SMAD5: variants seen among roughly 807,000 people sequenced by gnomAD.
SMAD5 encodes the protein MAD, mothers against decapentaplegic homolog 5.
A neutral mutation model predicts 43.1 loss-of-function variants in SMAD5; 9 were observed. The observed-to-expected ratio is 0.21, with a 90% CI of 0.13 to 0.36. SMAD5 has a LOEUF of 0.36. Among genes scored for constraint, SMAD5 ranks in the 10% least tolerant of loss-of-function variants. The pLI is 1.00. For missense variants in SMAD5, 348 were observed against 574.0 expected, an observed-to-expected ratio of 0.61 and a Z score of 4.02; for synonymous variants, 190 against 192.4, an observed-to-expected ratio of 0.99 and a Z score of 0.10.
intron 4 of SMAD5, among the ~76,000 whole-genome samples, chr5:136,162,846 A>C (rs775067625): frequency 6.6e-6 from 1 of 152,218 alleles, no homozygotes; most frequent in Admixed American, 6.5e-5. Context: ...TCCAGTTTTA[A>C]ATGACAGTAT....
intron 1 of SMAD5, among the ~76,000 whole-genome samples, chr5:136,142,201 A>G (rs912290398): frequency 6.6e-6 from 1 of 152,156 alleles, no homozygotes; most frequent in East Asian, 1.9e-4. Context: ...ATGTAAAAAC[A>G]TAGGTGTGGT....
intron 1 of SMAD5, among the ~76,000 whole-genome samples, chr5:136,143,444 A>G (rs1015468499): frequency 1.3e-5 from 2 of 151,958 alleles, no homozygotes; most frequent in African/African-American, 4.8e-5. Context: ...ATAGAACTCT[A>G]CACGGCACAT....
At chr5:136,171,934 C>A (rs1469886472) in intron 5 of SMAD5, among the ~76,000 whole-genome samples, 1 of 152,112 alleles carries the variant, frequency 6.6e-6, no homozygotes. Flanking sequence ...AATAATTAGG[C>A]TTGAGAGTGG....
At position 136,179,847 on chromosome 5, in the gene SMAD5, A is replaced by C. The variant is rs1446950687; in HGVS notation, c.*2367A>C. ...AATTGAATGACTGATGTATGTAATC[A>C]ACTTCATTGGGCTGCAGTAAACTAG... is the stretch of plus-strand genomic sequence containing the variant. On this transcript the variant is annotated 3_prime_UTR_variant, in exon 8 of 8. Coordinates refer to ENST00000545279, the MANE Select transcript of SMAD5 (RefSeq NM_005903.7). 6.6e-6 allele frequency: 1 copy of C among 152,246 alleles called. No individual in the cohort carries two copies. The highest frequency in any genetic ancestry group is 1.9e-4 in the East Asian group (1 of 5,200). 9.4% of individuals were successfully genotyped at this position (152,246 alleles called of 1,614,324 possible). A position where few individuals can be genotyped will look rare whatever the true frequency, so the allele number is the denominator to read the frequency against.
chr5:136,150,180 A>G (rs1463017332), intron 2 of SMAD5, among the ~76,000 whole-genome samples: 1 of 151,624 alleles, frequency 6.6e-6, no homozygotes, highest in Non-Finnish European at 1.5e-5. Flanking sequence ...CTCTTTGTGC[A>G]AAATCTTAAA....
chr5:136,154,189 T>G, intron 3 of SMAD5, 26 bp downstream of exon 3: 1 of 1,425,794 alleles, frequency 7.0e-7, no homozygotes, highest in Non-Finnish European at 9.2e-7. Flanking sequence ...GAGAAGAATT[T>G]GGAAAAACAA....
At position 136,178,649 on chromosome 5, in the gene SMAD5, C is replaced by T. The variant is rs771793490; in HGVS notation, c.*1169C>T. On this transcript the variant is annotated 3_prime_UTR_variant, in exon 8 of 8. Coordinates refer to ENST00000545279, the MANE Select transcript of SMAD5 (RefSeq NM_005903.7). ...TGTCAGCTTACTTGTATCAGCCTCC[C>T]TACGCAAGGACCTATGCACTGGAGC... 1 of 152,150 alleles carries T rather than the reference C, an allele frequency of 6.6e-6. No homozygotes were observed. The highest frequency in any genetic ancestry group is 1.5e-5 in the Non-Finnish European group (1 of 68,004). The allele number at this position is 152,150 out of a possible 1,614,324, so 9.4% of individuals were successfully genotyped here.
intron 4 of SMAD5, 124 bp from the exon 5 acceptor site, chr5:136,163,148 A>G: frequency 5.3e-6 from 4 of 748,906 alleles, no homozygotes; most frequent in Non-Finnish European, 6.2e-6. Flanking sequence ...ATAGTATCCT[A>G]CATTTTTTTG....
At chr5:136,165,662 A>ATTTTTT (rs58156387) in intron 5 of SMAD5, among the ~76,000 whole-genome samples, 34 of 65,444 alleles carry the variant, frequency 5.2e-4, no homozygotes, top group Non-Finnish European at 7.8e-4. Context: ...GAATCATACA[A>ATTTTTT]TTTTTTTTTT....
chr5:136,144,875 T>C (rs2149762603), intron 1 of SMAD5, among the ~76,000 whole-genome samples: 1 of 151,884 alleles, frequency 6.6e-6, no homozygotes, highest in African/African-American at 2.4e-5. Flanking sequence ...GGGTTCTTTT[T>C]GAGACAGAAG....
intron 1 of SMAD5, chr5:136,147,614 T>G (rs527378652): frequency 1.2e-4 from 18 of 152,038 alleles, no homozygotes; most frequent in African/African-American, 4.3e-4. Context: ...AAGTTACATT[T>G]AATTTCCCTT....
At chr5:136,143,174 T>A (rs534779688) in intron 1 of SMAD5, among the ~76,000 whole-genome samples, 7 of 152,270 alleles carry the variant, frequency 4.6e-5, no homozygotes, top group African/African-American at 9.6e-5. Context: ...TAACTAGAGT[T>A]ACCCTTTGGT....
intron 1 of SMAD5, among the ~76,000 whole-genome samples, chr5:136,138,734 T>C (rs887593668): frequency 5.9e-5 from 9 of 152,174 alleles, no homozygotes; most frequent in African/African-American, 2.4e-5. Context: ...AGTGTCTTTC[T>C]TCCATTGCAG....
intron 1 of SMAD5, among the ~76,000 whole-genome samples, chr5:136,137,902 T>C (rs963869531): frequency 6.6e-6 from 1 of 152,224 alleles, no homozygotes; most frequent in African/African-American, 2.4e-5. Flanking sequence ...CACTGTAATA[T>C]ATGTCGTGTA....
At chr5:136,154,504 A>G (rs1396508142) in intron 3 of SMAD5, among the ~76,000 whole-genome samples, 1 of 152,114 alleles carries the variant, frequency 6.6e-6, no homozygotes, top group African/African-American at 2.4e-5. Context: ...CTTTGTTCCT[A>G]CAGTTATCAT....
At chr5:136,169,223 A>G (rs1389219051) in intron 5 of SMAD5, among the ~76,000 whole-genome samples, 1 of 152,206 alleles carries the variant, frequency 6.6e-6, no homozygotes, top group Non-Finnish European at 1.5e-5. Context: ...AGCATCCAGC[A>G]CAGGAGAAAG....
intron 2 of SMAD5, among the ~76,000 whole-genome samples, chr5:136,148,385 A>G (rs1753337150): frequency 2.0e-5 from 3 of 151,716 alleles, no homozygotes; most frequent in African/African-American, 7.3e-5. Flanking sequence ...TGATTACTGT[A>G]AAAGTGGTAG....
intron 5 of SMAD5, among the ~76,000 whole-genome samples, chr5:136,167,558 A>G (rs1196944852): frequency 6.6e-6 from 1 of 152,102 alleles, no homozygotes; most frequent in South Asian, 2.1e-4. Flanking sequence ...CAGGCAGATC[A>G]TCTGAGGCTC....
chr5:136,165,662 A>ATATTTTTTT lies in SMAD5; in HGVS notation c.775+2272_775+2273insATTTTTTTT, dbSNP rs1561653930. ...TACTTCATATAAATGGAATCATACA[A>ATATTTTTTT]TTTTTTTTTTTTTTTTTTTTTTTTT... On this transcript the variant is annotated intron_variant, in intron 5 of 7. Transcript: ENST00000545279. Among the ~76,000 whole-genome samples, 10 of 65,450 alleles carry ATATTTTTTT rather than the reference A, an allele frequency of 1.5e-4. 1 individual carries two copies. Among genetic ancestry groups the ATATTTTTTT allele is most frequent in the South Asian group, 6.4e-4 (1 of 1,558 alleles). The allele number at this position is 65,450 out of a possible 152,430, so 42.9% of individuals were successfully genotyped here.
Sources: gnomAD v4.1 joint callset for allele counts (sites outside exome capture counted in the v4.1 genomes callset) on GRCh38, gnomAD v4.1.1 for gene constraint, MANE v1.5 for transcripts, NCBI Gene and HGNC (gene_info 2026-07-23, HGNC 2026-07-21) for gene names.